MBOAT2: variants seen among roughly 807,000 people sequenced by gnomAD.
The protein encoded by MBOAT2 is membrane-bound glycerophospholipid O-acyltransferase 2.
In MBOAT2, 28 loss-of-function variants were observed where a neutral mutation model predicts 63.4. That is an observed-to-expected ratio of 0.44 (90% CI 0.33 to 0.61). The LOEUF (loss-of-function observed/expected upper bound fraction) is 0.61, where lower values mean the gene tolerates loss of function less well. MBOAT2 is among the 20% of genes least tolerant of loss of function. The pLI, the probability that MBOAT2 is intolerant of heterozygous loss-of-function variation, is 0.03. For missense variants in MBOAT2, 470 were observed against 605.8 expected (o/e 0.78, Z 2.35); for synonymous variants, 211 against 215.6 (o/e 0.98, Z 0.19).
chr2:8,873,436 T>C (rs1662482533), intron 7 of MBOAT2, 136 bp from the exon 8 acceptor site: 3 of 867,998 alleles, frequency 3.5e-6, no homozygotes, highest in Non-Finnish European at 5.1e-6. Context: ...AAGAGCTACA[T>C]TGCACTTGGC....
intron 1 of MBOAT2, among the ~76,000 whole-genome samples, chr2:8,964,027 G>T (rs1051065150): frequency 1.3e-5 from 2 of 152,122 alleles, no homozygotes. Context: ...AGAAACACTA[G>T]ACACTAAACC....
intron 2 of MBOAT2, among the ~76,000 whole-genome samples, chr2:8,955,922 C>T (rs1423499967): frequency 6.6e-6 from 1 of 152,150 alleles, no homozygotes; most frequent in African/African-American, 2.4e-5. Flanking sequence ...CCACTGAAGG[C>T]CCAGATGATC....
rs1015645262 is a variant in MBOAT2 at position 8,854,321 on chromosome 2, G to T, written c.*4358C>A. ...AAACAGAAATTTCAGCATCTAAGAT[G>T]AGTGTATCAACGACCAGCCACTCAT... On this transcript the variant is annotated 3_prime_UTR_variant, in exon 13 of 13. Transcript: ENST00000305997. The T allele has an allele frequency of 2.0e-5, 3 of 152,218 alleles. No individual in the cohort carries two copies. The highest frequency in any genetic ancestry group is 7.2e-5 in the African/African-American group (3 of 41,458). 9.4% of individuals were successfully genotyped at this position (152,218 alleles called of 1,614,324 possible). A position where few individuals can be genotyped will look rare whatever the true frequency, so the allele number is the denominator to read the frequency against.
intron 5 of MBOAT2, among the ~76,000 whole-genome samples, chr2:8,884,071 A>G (rs1663350554): frequency 6.7e-6 from 1 of 150,366 alleles, no homozygotes; most frequent in Non-Finnish European, 1.5e-5. Context: ...AAAAAAAAAA[A>G]AAAAGAAAAA....
At position 8,858,671 on chromosome 2, in the gene MBOAT2, C is replaced by A. The variant is rs779436762; in HGVS notation, c.*8G>T. ...AAAAAAAAAAAACAGCCCTCAGAGC[C>A]TTCCCGATCACTGCTTTAGTGATGA... On this transcript the variant is annotated 3_prime_UTR_variant, in exon 13 of 13. Transcript: ENST00000305997. 1 of 1,590,626 alleles carries A rather than the reference C, an allele frequency of 6.3e-7. No homozygotes were observed. The highest frequency in any genetic ancestry group is 1.1e-5 in the South Asian group (1 of 87,970).
intron 1 of MBOAT2, among the ~76,000 whole-genome samples, chr2:8,983,352 A>G (rs923013759): frequency 3.3e-5 from 5 of 152,204 alleles, no homozygotes; most frequent in African/African-American, 1.2e-4. Context: ...AACTCACCCA[A>G]TATGAAACAG....
chr2:8,994,858 C>G (rs1672163126), intron 1 of MBOAT2, among the ~76,000 whole-genome samples: 1 of 152,122 alleles, frequency 6.6e-6, no homozygotes, highest in Non-Finnish European at 1.5e-5. Context: ...GCAGGGATTT[C>G]AAGAGGAAAC....
intron 1 of MBOAT2, among the ~76,000 whole-genome samples, chr2:8,982,107 T>TA (rs1450888627): frequency 2.0e-5 from 3 of 152,170 alleles, no homozygotes; most frequent in Non-Finnish European, 4.4e-5. Flanking sequence ...CTGTCCGGAT[T>TA]AAGCGAGATA....
At chr2:9,002,996 T>C (rs1440247370) in intron 1 of MBOAT2, among the ~76,000 whole-genome samples, 1 of 152,142 alleles carries the variant, frequency 6.6e-6, no homozygotes, top group Non-Finnish European at 1.5e-5. Context: ...CAAAGTGCAG[T>C]AGCGCTTAAG....
intron 1 of MBOAT2, among the ~76,000 whole-genome samples, chr2:8,975,302 C>T (rs1039353742): frequency 6.6e-6 from 1 of 152,092 alleles, no homozygotes; most frequent in African/African-American, 2.4e-5. Context: ...TTTTTGGGAT[C>T]CCAAAATACT....
At chr2:8,887,199 T>C (rs906680095) in intron 5 of MBOAT2, among the ~76,000 whole-genome samples, 12 of 152,174 alleles carry the variant, frequency 7.9e-5, no homozygotes, top group Admixed American at 1.3e-4. Flanking sequence ...AGAAAGATAG[T>C]TGCTGTTTAA....
intron 2 of MBOAT2, among the ~76,000 whole-genome samples, chr2:8,956,220 C>G (rs1265373837): frequency 6.6e-6 from 1 of 152,068 alleles, no homozygotes; most frequent in African/African-American, 2.4e-5. Flanking sequence ...GATACGATTG[C>G]CTTTGAGCCT....
chr2:8,999,636 C>T (rs1672549263), intron 1 of MBOAT2, among the ~76,000 whole-genome samples: 1 of 152,174 alleles, frequency 6.6e-6, no homozygotes, highest in Non-Finnish European at 1.5e-5. Context: ...CTAAACAGCA[C>T]ACTTGGGCCT....
rs145012503 is a variant in MBOAT2, at chr2:8,868,669, G to C, written c.884-120C>G. On this transcript the variant is annotated intron_variant, in intron 8 of 12. Coordinates refer to ENST00000305997, the MANE Select transcript of MBOAT2 (RefSeq NM_138799.4). ...TAAACAGTAAAAGTAGATTTATTCT[G>C]ATTTTTAAGTCAGAAACAACATCGC... is the stretch of plus-strand genomic sequence containing the variant. 1.4e-4 allele frequency: 111 copies of C among 796,008 alleles called. No individual in the cohort carries two copies. The African/African-American group carries it at 1.8e-3, about 13-fold the overall frequency. The allele number at this position is 796,008 out of a possible 1,614,324, so 49.3% of individuals were successfully genotyped here. A position where few individuals can be genotyped will look rare whatever the true frequency, so the allele number is the denominator to read the frequency against.
At chr2:8,981,040 A>C (rs957112285) in intron 1 of MBOAT2, among the ~76,000 whole-genome samples, 1 of 152,064 alleles carries the variant, frequency 6.6e-6, no homozygotes, top group African/African-American at 2.4e-5. Flanking sequence ...ACTGATATGC[A>C]AAGATAGATA....
intron 1 of MBOAT2, among the ~76,000 whole-genome samples, chr2:8,969,725 C>A (rs1022761798): frequency 5.3e-5 from 8 of 152,128 alleles, no homozygotes; most frequent in African/African-American, 1.9e-4. Flanking sequence ...CAATCCTAGT[C>A]TCTGATAAAA....
intron 3 of MBOAT2, among the ~76,000 whole-genome samples, chr2:8,933,660 T>C (rs1176536496): frequency 2.0e-5 from 3 of 152,192 alleles, no homozygotes; most frequent in African/African-American, 7.2e-5. Context: ...ATTTTTTAAT[T>C]GATTAATTTG....
intron 3 of MBOAT2, among the ~76,000 whole-genome samples, chr2:8,921,313 G>C (rs1666552221): frequency 6.6e-6 from 1 of 152,086 alleles, no homozygotes; most frequent in Non-Finnish European, 1.5e-5. Context: ...GATTAATACT[G>C]ACTTAATTCT....
chr2:8,980,610 A>C lies in MBOAT2; in HGVS notation c.76-21968T>G, dbSNP rs527452641. ...GGTCCAATACAAGGCAACAAAAACAAGTAAACAGGCAACTGTTCAAAAAAC... is the reference window on the plus strand; with the variant it reads ...GGTCCAATACAAGGCAACAAAAACACGTAAACAGGCAACTGTTCAAAAAAC... On this transcript the variant is annotated intron_variant, in intron 1 of 12. Coordinates refer to ENST00000305997, the MANE Select transcript of MBOAT2 (RefSeq NM_138799.4). Among the ~76,000 whole-genome samples the C allele has an allele frequency of 7.9e-5, 12 of 152,248 alleles. 1 individual carries two copies. The South Asian group carries it at 2.5e-3, about 32-fold the overall frequency.
Sources: allele counts gnomAD v4.1 joint callset (sites outside exome capture counted in the v4.1 genomes callset), GRCh38; gene constraint gnomAD v4.1.1; transcripts MANE v1.5; gene names NCBI Gene and HGNC (gene_info 2026-07-23, HGNC 2026-07-21).